THSD4: variants seen among roughly 807,000 people sequenced by gnomAD.
The protein encoded by THSD4 is thrombospondin type 1 domain containing 4.
THSD4 carries 69 observed loss-of-function variants against 119.0 expected under a neutral mutation model. The observed-to-expected ratio is 0.58, with a 90% CI of 0.48 to 0.71. The LOEUF is 0.71. Ranked by LOEUF, THSD4 falls within the 30% of genes least tolerant of loss-of-function variation. The pLI is 0.00. For missense variants in THSD4, 1,393 were observed against 1,391.1 expected (o/e 1.00, Z -0.02); for synonymous variants, 524 against 540.4 (o/e 0.97, Z 0.42).
At chr15:71,674,204 C>A (rs964126858) in intron 8 of THSD4, among the ~76,000 whole-genome samples, 12 of 152,186 alleles carry the variant, frequency 7.9e-5, no homozygotes, top group African/African-American at 2.9e-4. Flanking sequence ...AAGTGGCATT[C>A]CTCTGCTCTT....
At chr15:71,205,863 G>T (rs1409432413) in intron 3 of THSD4, among the ~76,000 whole-genome samples, 1 of 134,062 alleles carries the variant, frequency 7.5e-6, no homozygotes, top group African/African-American at 2.8e-5. Flanking sequence ...GGAGTCTGGA[G>T]ATTCTCTTTT....
At chr15:71,341,072 T>G in intron 6 of THSD4, 1 of 973,450 alleles carries the variant, frequency 1.0e-6, no homozygotes, top group Non-Finnish European at 1.6e-6. Context: ...TTTGTTGCCT[T>G]GCCTTTTCTT....
intron 7 of THSD4, among the ~76,000 whole-genome samples, chr15:71,575,378 A>G (rs1354880172): frequency 6.6e-6 from 1 of 152,152 alleles, no homozygotes; most frequent in Non-Finnish European, 1.5e-5. Flanking sequence ...TTTAAGTTTT[A>G]TTTTGTTTTA....
At chr15:71,416,089 G>A (rs563947110) in intron 7 of THSD4, among the ~76,000 whole-genome samples, 2 of 152,224 alleles carry the variant, frequency 1.3e-5, no homozygotes, top group Non-Finnish European at 2.9e-5. Flanking sequence ...GAGCCACCTC[G>A]CCTGGCCCGA....
At chr15:71,731,719 G>C (rs2052983910) in intron 10 of THSD4, 1 of 167,600 alleles carries the variant, frequency 6.0e-6, no homozygotes, top group Non-Finnish European at 1.3e-5. Context: ...AGGAGGTTGG[G>C]GCTGCAGTGA....
At chr15:71,348,360 G>C (rs1199885701) in intron 6 of THSD4, 1 of 152,200 alleles carries the variant, frequency 6.6e-6, no homozygotes, top group Non-Finnish European at 1.5e-5. Flanking sequence ...TGATGCTGTT[G>C]TTGCTGCTCT....
chr15:71,395,141 A>G (rs889891853), intron 6 of THSD4, among the ~76,000 whole-genome samples: 1 of 152,202 alleles, frequency 6.6e-6, no homozygotes, highest in Non-Finnish European at 1.5e-5. Flanking sequence ...CTGCCTTAGG[A>G]GTCGGATGCG....
At chr15:71,170,818 A>G (rs2043352817) in intron 3 of THSD4, among the ~76,000 whole-genome samples, 1 of 152,230 alleles carries the variant, frequency 6.6e-6, no homozygotes, top group South Asian at 2.1e-4. Context: ...ATATTCATAA[A>G]GTTAAGTAGA....
chr15:71,110,044 A>G (rs1345528064), intron 1 of THSD4, among the ~76,000 whole-genome samples: 1 of 152,250 alleles, frequency 6.6e-6, no homozygotes, highest in Non-Finnish European at 1.5e-5. Flanking sequence ...CCAAGGTGAC[A>G]GCAATTTCAA....
chr15:71,146,840 G>A (rs752142939), intron 2 of THSD4, among the ~76,000 whole-genome samples: 5 of 152,146 alleles, frequency 3.3e-5, no homozygotes, highest in Non-Finnish European at 7.4e-5. Flanking sequence ...CATTCAGACA[G>A]TATTGATTTT....
chr15:71,443,525 C>T (rs767531043), intron 7 of THSD4, among the ~76,000 whole-genome samples: 1 of 152,086 alleles, frequency 6.6e-6, no homozygotes, highest in African/African-American at 2.4e-5. Context: ...GGGAGAACAT[C>T]GAATTTTGCA....
At chr15:71,232,079 G>A (rs112894527) in intron 4 of THSD4, among the ~76,000 whole-genome samples, 1,868 of 152,130 alleles carry the variant, frequency 0.012, 18 homozygotes, top group Non-Finnish European at 0.019. Flanking sequence ...GCGGCTCCTT[G>A]GTGAACACAC....
chr15:71,772,815 A>C (rs1166471126), intron 17 of THSD4, among the ~76,000 whole-genome samples: 1 of 152,218 alleles, frequency 6.6e-6, no homozygotes, highest in Non-Finnish European at 1.5e-5. Flanking sequence ...CTTCCATTGT[A>C]TTGAGACCAC....
intron 7 of THSD4, among the ~76,000 whole-genome samples, chr15:71,566,721 C>G (rs1301646569): frequency 6.6e-6 from 1 of 151,862 alleles, no homozygotes; most frequent in Non-Finnish European, 1.5e-5. Context: ...AAATTGGCCT[C>G]TTATCCCAGG....
At chr15:71,219,234 T>A in intron 4 of THSD4, among the ~76,000 whole-genome samples, 1 of 152,126 alleles carries the variant, frequency 6.6e-6, no homozygotes, top group East Asian at 1.9e-4. Flanking sequence ...GACACCCACG[T>A]CACACTCCAA....
intron 7 of THSD4, among the ~76,000 whole-genome samples, chr15:71,469,803 C>A (rs1345433575): frequency 2.0e-5 from 3 of 152,122 alleles, no homozygotes; most frequent in African/African-American, 7.2e-5. Flanking sequence ...ATATAGCAGG[C>A]CTTCTATCAA....
chr15:71,267,268 A>T (rs2044475324), intron 6 of THSD4, among the ~76,000 whole-genome samples: 1 of 152,272 alleles, frequency 6.6e-6, no homozygotes, highest in Non-Finnish European at 1.5e-5. Flanking sequence ...ATCTTTCTGC[A>T]GAAACCCTAC....
intron 3 of THSD4, among the ~76,000 whole-genome samples, chr15:71,208,831 C>T (rs547775553): frequency 6.6e-6 from 1 of 152,192 alleles, no homozygotes; most frequent in South Asian, 2.1e-4. Context: ...GTTTCTGTTT[C>T]CTGCTCCCTG....
intron 7 of THSD4, among the ~76,000 whole-genome samples, chr15:71,621,871 A>G (rs1230758030): frequency 1.3e-5 from 2 of 152,250 alleles, no homozygotes; most frequent in Non-Finnish European, 2.9e-5. Context: ...TGTTGAGTTT[A>G]TAGGTAGAAA....
Sources: gnomAD v4.1 joint callset for allele counts (sites outside exome capture counted in the v4.1 genomes callset) on GRCh38, gnomAD v4.1.1 for gene constraint, MANE v1.5 for transcripts, NCBI Gene and HGNC (gene_info 2026-07-23, HGNC 2026-07-21) for gene names.